RAD54L2: variants seen among roughly 807,000 people sequenced by gnomAD.
RAD54L2 encodes the protein helicase ARIP4.
Under a neutral mutation model 138.4 loss-of-function variants are expected in RAD54L2, and 27 were observed. The ratio of observed to expected loss-of-function variants is 0.20; its 90% CI spans 0.14 to 0.27. The LOEUF (loss-of-function observed/expected upper bound fraction) is 0.27, where lower values mean the gene tolerates loss of function less well. RAD54L2 is among the 10% of genes least tolerant of loss of function. The pLI, the probability that RAD54L2 is intolerant of heterozygous loss-of-function variation, is 1.00. For missense variants in RAD54L2, 1,396 were observed against 1,890.2 expected (o/e 0.74, Z 4.85); for synonymous variants, 644 against 723.2 (o/e 0.89, Z 1.76).
intron 2 of RAD54L2, among the ~76,000 whole-genome samples, chr3:51,549,900 G>A (rs942294682): frequency 4.0e-5 from 6 of 151,632 alleles, no homozygotes; most frequent in Non-Finnish European, 7.4e-5. Context: ...TTCTTTCCCT[G>A]TGTTTCACCT....
chr3:51,624,842 G>A (rs549746107), intron 3 of RAD54L2, among the ~76,000 whole-genome samples: 6 of 152,158 alleles, frequency 3.9e-5, no homozygotes, highest in Non-Finnish European at 7.3e-5. Flanking sequence ...ACAAGGAGGA[G>A]GCCATACCAA....
chr3:51,629,703 A>C (rs568749617), intron 5 of RAD54L2, among the ~76,000 whole-genome samples: 1 of 152,114 alleles, frequency 6.6e-6, no homozygotes, highest in East Asian at 1.9e-4. Flanking sequence ...TACTAAAAAT[A>C]CAAAAAAAAA....
chr3:51,646,848 T>TC (rs568506127), intron 19 of RAD54L2, among the ~76,000 whole-genome samples: 244 of 152,266 alleles, frequency 1.6e-3, no homozygotes, highest in African/African-American at 5.4e-3. Context: ...GGATGAAGGC[T>TC]CTGTTCCCTT....
At chr3:51,661,977 G>C (rs1456399890) in intron 22 of RAD54L2, among the ~76,000 whole-genome samples, 1 of 152,088 alleles carries the variant, frequency 6.6e-6, no homozygotes, top group Non-Finnish European at 1.5e-5. Flanking sequence ...TTCCAAAATT[G>C]AGATTTCCCA....
intron 2 of RAD54L2, chr3:51,541,867 A>G (rs185173513): frequency 6.6e-6 from 1 of 152,368 alleles, no homozygotes; most frequent in East Asian, 1.9e-4. Flanking sequence ...AATTCTTCAA[A>G]ATAGCTCTCA....
At chr3:51,622,211 C>T (rs1021073392) in intron 3 of RAD54L2, among the ~76,000 whole-genome samples, 2 of 152,164 alleles carry the variant, frequency 1.3e-5, no homozygotes, top group Admixed American at 1.3e-4. Flanking sequence ...TACTTTGAAA[C>T]TTCTCTTTTA....
intron 19 of RAD54L2, among the ~76,000 whole-genome samples, chr3:51,654,063 G>A (rs187312348): frequency 1.1e-4 from 16 of 152,096 alleles, no homozygotes; most frequent in African/African-American, 3.6e-4. Flanking sequence ...GTCTTTTTTG[G>A]GGGTGGGGTA....
intron 2 of RAD54L2, among the ~76,000 whole-genome samples, chr3:51,588,763 C>T (rs1699770070): frequency 1.3e-5 from 2 of 152,150 alleles, no homozygotes; most frequent in South Asian, 4.2e-4. Flanking sequence ...GTGCCTGACA[C>T]ATGATAGACA....
chr3:51,552,453 G>A lies in RAD54L2; in HGVS notation c.-55+10803G>A, dbSNP rs914290008. On this transcript the variant is annotated intron_variant, in intron 2 of 22. Transcript: ENST00000684192. ...GAGTTTTTGTATTTTTAGTAGAGAC[G>A]AGGTTTCACTTTCTTAGCCAGGATG... is the stretch of plus-strand genomic sequence containing the variant. Among the ~76,000 whole-genome samples the A allele has an allele frequency of 4.6e-5, 7 of 151,682 alleles. No individual in the cohort carries two copies. The South Asian group carries it at 8.3e-4, about 18-fold the overall frequency.
intron 2 of RAD54L2, 28 bp from the exon 3 acceptor site, chr3:51,590,339 G>T: frequency 7.1e-7 from 1 of 1,416,280 alleles, no homozygotes; most frequent in Non-Finnish European, 9.3e-7. Flanking sequence ...AACCCTTGGT[G>T]ATTCTGATGC....
chr3:51,583,057 G>T (rs1419362526), intron 2 of RAD54L2, among the ~76,000 whole-genome samples: 1 of 152,142 alleles, frequency 6.6e-6, no homozygotes, highest in African/African-American at 2.4e-5. Flanking sequence ...GAGCCACCAT[G>T]CCCGGCCAAG....
chr3:51,597,803 G>A (rs2106727410), intron 3 of RAD54L2, among the ~76,000 whole-genome samples: 1 of 152,130 alleles, frequency 6.6e-6, no homozygotes, highest in African/African-American at 2.4e-5. Flanking sequence ...ACTCCAGCCT[G>A]GGTGACAGAA....
At chr3:51,594,809 T>G (rs2106720328) in intron 3 of RAD54L2, among the ~76,000 whole-genome samples, 1 of 149,616 alleles carries the variant, frequency 6.7e-6, no homozygotes, top group African/African-American at 2.5e-5. Context: ...TATGGTTAGA[T>G]CATGGAGTAG....
chr3:51,570,078 C>T (rs997558904), intron 2 of RAD54L2, among the ~76,000 whole-genome samples: 3 of 151,902 alleles, frequency 2.0e-5, no homozygotes, highest in African/African-American at 7.3e-5. Flanking sequence ...AGTGATCCTC[C>T]TGCCTTGGCC....
chr3:51,662,402 C>T lies in RAD54L2; in HGVS notation c.3410-24C>T. On this transcript the variant is annotated intron_variant, in intron 22 of 22. Transcript: ENST00000684192. The surrounding 1 kb of genome is among the most constrained non-coding windows in gnomAD (Gnocchi z 4.6). ...TTCTCTCCCTGGCCACTCTGATTCTCAGTTAACTACATTTTGTCCCCAGGT... is the reference window on the plus strand; with the variant it reads ...TTCTCTCCCTGGCCACTCTGATTCTTAGTTAACTACATTTTGTCCCCAGGT... 6.7e-7 allele frequency: 1 copy of T among 1,494,046 alleles called. No individual in the cohort carries two copies. Among genetic ancestry groups the T allele is most frequent in the South Asian group, 1.4e-5 (1 of 72,292 alleles). 92.5% of individuals were successfully genotyped at this position (1,494,046 alleles called of 1,614,324 possible).
chr3:51,641,521 T>G (rs1463956421), intron 14 of RAD54L2, among the ~76,000 whole-genome samples: 2 of 152,088 alleles, frequency 1.3e-5, no homozygotes, highest in African/African-American at 4.8e-5. Flanking sequence ...TTTGCCATGT[T>G]GGCTAGGCTG....
intron 3 of RAD54L2, among the ~76,000 whole-genome samples, chr3:51,600,465 A>G (rs1238382373): frequency 6.6e-6 from 1 of 152,050 alleles, no homozygotes; most frequent in East Asian, 1.9e-4. Context: ...AAATTTAAAA[A>G]TTATCCAGGC....
intron 3 of RAD54L2, among the ~76,000 whole-genome samples, chr3:51,626,680 G>A (rs2106789686): frequency 6.6e-6 from 1 of 151,700 alleles, no homozygotes; most frequent in East Asian, 2.0e-4. Flanking sequence ...CCTGACCTCA[G>A]GTGATCCTCC....
chr3:51,561,560 C>G (rs1229096421), intron 2 of RAD54L2, among the ~76,000 whole-genome samples: 1 of 151,222 alleles, frequency 6.6e-6, no homozygotes, highest in Non-Finnish European at 1.5e-5. Flanking sequence ...TCCCTTTTAT[C>G]TTTTTCTTTT....
Sources: gnomAD v4.1 joint callset for allele counts (sites outside exome capture counted in the v4.1 genomes callset) on GRCh38, gnomAD v4.1.1 for gene constraint, Gnocchi (gnomAD v3.1) non-coding constraint, MANE v1.5 for transcripts, NCBI Gene and HGNC (gene_info 2026-07-23, HGNC 2026-07-21) for gene names.